Variants in PMPCA observed in about 807,000 individuals in gnomAD.
PMPCA encodes peptidase, mitochondrial processing subunit alpha, also known as mitochondrial-processing peptidase subunit alpha.
A neutral mutation model predicts 59.3 loss-of-function variants in PMPCA; 47 were observed. The ratio of observed to expected loss-of-function variants is 0.79; its 90% CI spans 0.63 to 1.01. PMPCA has a LOEUF of 1.01. PMPCA is among the 50% of genes least tolerant of loss of function. PMPCA has a pLI of 0.00. For missense variants in PMPCA, 726 were observed against 704.5 expected (o/e 1.03, Z -0.34); for synonymous variants, 338 against 290.3 (o/e 1.16, Z -1.67).
Position 136,418,008 on chromosome 9 carries a change from T to C in PMPCA, c.898-9T>C, listed in dbSNP as rs1336677726. 3.7e-6 allele frequency: 6 copies of C among 1,604,406 alleles called. No homozygotes were observed. The highest frequency in any genetic ancestry group is 5.1e-6 in the Non-Finnish European group (6 of 1,171,098). On this transcript the variant is annotated splice_polypyrimidine_tract_variant and intron_variant, in intron 7 of 12. Transcript: ENST00000371717. ...ACATGGCGACACTTGCTTGTTTTCT[T>C]GGTTACAGCTAGAAAGAGACATGTC... is the stretch of plus-strand genomic sequence containing the variant.
chr9:136,422,001 G>A (rs1462571354), intron 12 of PMPCA, 25 bp downstream of exon 12: 2 of 1,590,068 alleles, frequency 1.3e-6, no homozygotes, highest in Non-Finnish European at 1.7e-6. Flanking sequence ...GGTAGTGAGG[G>A]GCTGCCGCAG....
Position 136,412,174 on chromosome 9 carries a change from G to A in PMPCA, c.249G>A (p.Lys83=), listed in dbSNP as rs988536175. 7.4e-6 allele frequency: 12 copies of A among 1,613,886 alleles called. No individual in the cohort carries two copies. The highest frequency in any genetic ancestry group is 9.3e-6 in the Non-Finnish European group (11 of 1,179,834). The change falls in exon 2 of 13, where the codon AAG becomes AAA. Residue 83 remains lysine (K), a synonymous_variant. Transcript: ENST00000371717. The part of the protein sequence containing the change: ...DNGLRVASQN[K]FGQFCTVGIL... ...GGCTTCGCGTGGCATCTCAGAATAA[G>A]TTTGGACAGTTTTGTACAGTAGGAA...
chr9:136,418,360 T>C (rs539316107), intron 8 of PMPCA, among the ~76,000 whole-genome samples, 195 bp from the exon 9 acceptor site: 508 of 71,232 alleles, frequency 7.1e-3, no homozygotes, highest in Middle Eastern at 0.04. Flanking sequence ...GCTCTGCCCT[T>C]TGTCCCTGGC....
intron 5 of PMPCA, among the ~76,000 whole-genome samples, chr9:136,415,503 G>A (rs1414083902): frequency 1.3e-5 from 2 of 152,238 alleles, no homozygotes; most frequent in Non-Finnish European, 1.5e-5. Flanking sequence ...CAGGAGAGGG[G>A]AACGTTGGCT....
chr9:136,421,991 G>A lies in PMPCA; in HGVS notation c.1408+15G>A. 5.6e-6 allele frequency: 9 copies of A among 1,599,568 alleles called. No individual in the cohort carries two copies. Among genetic ancestry groups the A allele is most frequent in the Non-Finnish European group, 7.7e-6 (9 of 1,173,094 alleles). ...CACGCTCATCCGTGAGTACCGCAGG[G>A]GTAGTGAGGGGCTGCCGCAGGCCTC... On this transcript the variant is annotated intron_variant, in intron 12 of 12. Coordinates refer to ENST00000371717, the MANE Select transcript of PMPCA (RefSeq NM_015160.3).
chr9:136,414,733 G>A (rs1835228137), intron 5 of PMPCA, 86 bp downstream of exon 5: 1 of 815,576 alleles, frequency 1.2e-6, no homozygotes, highest in Non-Finnish European at 2.2e-6. Context: ...AGCCATGAGG[G>A]AGAGCACCAT....
intron 5 of PMPCA, among the ~76,000 whole-genome samples, chr9:136,415,357 T>C (rs934291788): frequency 6.6e-6 from 1 of 152,254 alleles, no homozygotes; most frequent in Non-Finnish European, 1.5e-5. Flanking sequence ...AAATTGGTTC[T>C]TTGATTTCGG....
chr9:136,414,193 A>G (rs903153686), intron 4 of PMPCA, among the ~76,000 whole-genome samples: 2 of 152,244 alleles, frequency 1.3e-5, no homozygotes, highest in East Asian at 1.9e-4. Context: ...AGTTACAAAA[A>G]TCTGTATCAG....
intron 5 of PMPCA, among the ~76,000 whole-genome samples, chr9:136,415,693 C>T (rs1187083721): frequency 4.6e-5 from 7 of 152,222 alleles, no homozygotes; most frequent in South Asian, 2.1e-4. Flanking sequence ...AATGCAGTGG[C>T]GCGATCTCGG....
rs569910720 is a variant in PMPCA, at chr9:136,414,706, G to T, written c.532+59G>T. 1.1e-4 allele frequency: 116 copies of T among 1,052,288 alleles called. No homozygotes were observed. In the African/African-American group the frequency reaches 1.7e-3, roughly 15 times the overall value. 65.2% of individuals were successfully genotyped at this position (1,052,288 alleles called of 1,614,324 possible). On this transcript the variant is annotated intron_variant, in intron 5 of 12. Coordinates refer to ENST00000371717, the MANE Select transcript of PMPCA (RefSeq NM_015160.3). ...CTTGGACATAGGGAAGACCGGAAAG[G>T]TTTGCAGAAGCCCTGTAGCCATGAG... is the stretch of plus-strand genomic sequence containing the variant.
At position 136,417,150 on chromosome 9, in the gene PMPCA, G is replaced by T; in HGVS notation, c.833G>T (p.Trp278Leu). ...TACCTCCTGGGGGTCCAGCCGGCCT[G>T]GGGGAGCGCAGAGGCCGTGGATATT... ...RKYLLGVQPAWGSAEAVDIDR... is the reference protein window; with the variant it reads ...RKYLLGVQPALGSAEAVDIDR... Residue 278 changes from tryptophan (W) to leucine (L), a missense_variant, in exon 7 of 13, where the codon TGG becomes TTG. Trp to Leu is a moderately conservative substitution (Grantham distance 61). Coordinates refer to ENST00000371717, the MANE Select transcript of PMPCA (RefSeq NM_015160.3). 1.2e-6 allele frequency: 2 copies of T among 1,612,576 alleles called. No individual in the cohort carries two copies. The highest frequency in any genetic ancestry group is 1.7e-6 in the Non-Finnish European group (2 of 1,179,180).
chr9:136,418,889 T>G lies in PMPCA; in HGVS notation c.1171T>G (p.Cys391Gly). 2 of 1,613,816 alleles carry G rather than the reference T, an allele frequency of 1.2e-6. No homozygotes were observed. The highest frequency in any genetic ancestry group is 1.7e-6 in the Non-Finnish European group (2 of 1,179,986). Residue 391 changes from cysteine to glycine, a missense_variant, in exon 10 of 13, where the codon TGC becomes GGC. By Grantham distance (159) the Cys-to-Gly change is radical (BLOSUM62 -3). Coordinates refer to ENST00000371717, the MANE Select transcript of PMPCA (RefSeq NM_015160.3). ...HHSYEDTGLL[C>G]IHASADPRQV... is the part of the protein sequence containing the mutation. ...CAGCTACGAGGACACTGGCCTCCTT[T>G]GCATCCATGCCAGCGCCGACCCAAG...
intron 12 of PMPCA, chr9:136,422,244 C>T (rs1368166118): frequency 7.1e-7 from 1 of 1,405,348 alleles, no homozygotes; most frequent in South Asian, 1.4e-5. Context: ...GCTGTCACTA[C>T]TGCCCAGAGT....
chr9:136,422,963 C>A (rs1835500469), intron 12 of PMPCA, 132 bp from the exon 13 acceptor site: 1 of 1,450,482 alleles, frequency 6.9e-7, no homozygotes, highest in South Asian at 1.4e-5. Flanking sequence ...CCTTTGGGCC[C>A]AGGTGCCCCC....
At chr9:136,415,628 G>C (rs1835252156) in intron 5 of PMPCA, among the ~76,000 whole-genome samples, 1 of 152,184 alleles carries the variant, frequency 6.6e-6, no homozygotes, top group Non-Finnish European at 1.5e-5. Context: ...CTTGACATCT[G>C]TCTGTGCCTC....
At chr9:136,422,554 C>G in intron 12 of PMPCA, 1 of 1,015,894 alleles carries the variant, frequency 9.8e-7, no homozygotes, top group South Asian at 3.9e-5. Flanking sequence ...CTTTCCAGGC[C>G]TGGAGTCCCG....
Position 136,423,540 on chromosome 9 carries a change from C to T in PMPCA, c.*276C>T, listed in dbSNP as rs1835522787. 1 of 390,822 alleles carries T rather than the reference C, an allele frequency of 2.6e-6. No individual in the cohort carries two copies. Among genetic ancestry groups the T allele is most frequent in the East Asian group, 4.6e-5 (1 of 21,562 alleles). The allele number at this position is 390,822 out of a possible 1,614,324, so 24.2% of individuals were successfully genotyped here. A position where few individuals can be genotyped will look rare whatever the true frequency, so the allele number is the denominator to read the frequency against. On this transcript the variant is annotated 3_prime_UTR_variant, in exon 13 of 13. Coordinates refer to ENST00000371717, the MANE Select transcript of PMPCA (RefSeq NM_015160.3). ...GAGGAGGGCGGTCGGTGCTTCCCTCCTCGGGCTGTGGGCACATGGGGCCCC... is the reference window on the plus strand; with the variant it reads ...GAGGAGGGCGGTCGGTGCTTCCCTCTTCGGGCTGTGGGCACATGGGGCCCC...
chr9:136,422,534 T>A, intron 12 of PMPCA: 1 of 1,015,774 alleles, frequency 9.8e-7, no homozygotes, highest in Non-Finnish European at 1.2e-6. Flanking sequence ...GTGTCACCTG[T>A]GGGCATCTCC....
At chr9:136,416,519 G>A in intron 6 of PMPCA, 128 bp downstream of exon 6, 1 of 737,070 alleles carries the variant, frequency 1.4e-6, no homozygotes, top group Non-Finnish European at 2.4e-6. Context: ...ACATTTTTTT[G>A]TTTTTTGAGA....
Sources: allele counts gnomAD v4.1 joint callset (sites outside exome capture counted in the v4.1 genomes callset), GRCh38; gene constraint gnomAD v4.1.1; transcripts MANE v1.5; gene names NCBI Gene and HGNC (gene_info 2026-07-23, HGNC 2026-07-21).